Variants in RASL11B observed in about 807,000 individuals in gnomAD.
The protein encoded by RASL11B is RAS like family 11 member B, also known as ras-like protein family member 11B.
In RASL11B, 14 loss-of-function variants were observed where a neutral mutation model predicts 22.9. That is an observed-to-expected ratio of 0.61 (90% confidence interval 0.40 to 0.96). The LOEUF (loss-of-function observed/expected upper bound fraction) is 0.96, where lower values mean the gene tolerates loss of function less well. Ranked by LOEUF, RASL11B falls within the 40% of genes least tolerant of loss-of-function variation. RASL11B has a pLI of 0.00. For synonymous variants in RASL11B, 143 were observed against 130.2 expected, an observed-to-expected ratio of 1.10 and a Z score of -0.67; for missense variants, 261 against 322.0, an observed-to-expected ratio of 0.81 and a Z score of 1.45.
At chr4:52,862,964 C>T (rs1435997619) in intron 1 of RASL11B, among the ~76,000 whole-genome samples, 1 of 152,110 alleles carries the variant, frequency 6.6e-6, no homozygotes, top group South Asian at 2.1e-4. Flanking sequence ...AGCTAGCCCC[C>T]CTGGGAGGTC....
intron 1 of RASL11B, 52 bp from the exon 2 acceptor site, chr4:52,863,216 A>G (rs1718195368): frequency 1.3e-6 from 2 of 1,537,922 alleles, no homozygotes; most frequent in Non-Finnish European, 1.8e-6. Flanking sequence ...GGGGTGGAGA[A>G]CAATCTAACT....
In RASL11B at chr4:52,865,547, C is replaced by T; in HGVS notation, c.489C>T (p.Asp163=). 3.7e-6 allele frequency: 6 copies of T among 1,614,208 alleles called. No individual in the cohort carries two copies. Among genetic ancestry groups the T allele is most frequent in the Non-Finnish European group, 5.1e-6 (6 of 1,180,030 alleles). The part of the protein sequence containing the change: ...KADLLHIKQV[D]PQLGLQLASM... ...ACCTGTTGCACATCAAACAGGTTGA[C>T]CCTCAGCTTGGACTGCAGCTAGCCA... The change falls in exon 4 of 4, where the codon GAC becomes GAT. Residue 163 remains aspartate (D), a synonymous_variant. Coordinates refer to ENST00000248706, the MANE Select transcript of RASL11B (RefSeq NM_023940.3).
At chr4:52,863,232 G>A (rs762703740) in intron 1 of RASL11B, 36 bp from the exon 2 acceptor site, 3 of 1,598,610 alleles carry the variant, frequency 1.9e-6, no homozygotes, top group Non-Finnish European at 2.6e-6. Flanking sequence ...TAACTTCCAA[G>A]GTTAACACTT....
chr4:52,866,192 C>G lies in RASL11B; in HGVS notation c.*387C>G, dbSNP rs948676600. ...AAAGAACAGATTAAGCATTGATAGG[C>G]TTTCTTTTTTCCCCCTTTTTTCTTT... On this transcript the variant is annotated 3_prime_UTR_variant, in exon 4 of 4. Transcript: ENST00000248706. 1 of 180,796 alleles carries G rather than the reference C, an allele frequency of 5.5e-6. No homozygotes were observed. The highest frequency in any genetic ancestry group is 2.4e-5 in the African/African-American group (1 of 42,308). 11.2% of individuals were successfully genotyped at this position (180,796 alleles called of 1,614,324 possible).
Position 52,865,893 on chromosome 4 carries a change from A to G in RASL11B, c.*88A>G. The G allele has an allele frequency of 1.0e-6, 1 of 967,446 alleles. No homozygotes were observed. The highest frequency in any genetic ancestry group is 1.5e-6 in the Non-Finnish European group (1 of 648,728). 59.9% of individuals were successfully genotyped at this position (967,446 alleles called of 1,614,324 possible). A position where few individuals can be genotyped will look rare whatever the true frequency, so the allele number is the denominator to read the frequency against. ...GCAGGAACGTTGAATATTGGCAATG[A>G]TTCCTGGTTCCAGAAAGGGCTGGAG... On this transcript the variant is annotated 3_prime_UTR_variant, in exon 4 of 4. Transcript: ENST00000248706.
At chr4:52,864,376 G>A (rs1718220039) in intron 2 of RASL11B, 102 bp from the exon 3 acceptor site, 3 of 686,994 alleles carry the variant, frequency 4.4e-6, no homozygotes, top group East Asian at 5.3e-5. Flanking sequence ...GCTGTTTTGT[G>A]TGCATTTATG....
At chr4:52,863,368 G>A (rs766868843) in intron 2 of RASL11B, 44 bp downstream of exon 2, 1 of 1,518,026 alleles carries the variant, frequency 6.6e-7, no homozygotes, top group Non-Finnish European at 9.1e-7. Context: ...ATTGCAGGAG[G>A]ACTGCGGTTC....
rs1231652766 is a variant in RASL11B at position 52,865,740 on chromosome 4, C to G, written c.682C>G (p.Gln228Glu). 6.2e-7 allele frequency: 1 copy of G among 1,613,926 alleles called. No homozygotes were observed. The highest frequency in any genetic ancestry group is 1.7e-5 in the Admixed American group (1 of 60,002). The change falls in exon 4 of 4, where the codon CAG becomes GAG. Residue 228 changes from glutamine (Q) to glutamate (E), a missense_variant. Transcript: ENST00000248706. ...TCCCAGGCCCAAGTCACCCAACATG[C>G]AGGACCTGAAGAGGAGGTTTAAGCA... ...LIPRPKSPNMQDLKRRFKQAL... is the reference protein window; with the variant it reads ...LIPRPKSPNMEDLKRRFKQAL...
rs1258801922 is a variant in RASL11B, at chr4:52,865,415, C to T, written c.357C>T (p.Ser119=). 1 of 1,614,166 alleles carries T rather than the reference C, an allele frequency of 6.2e-7. No individual in the cohort carries two copies. Among genetic ancestry groups the T allele is most frequent in the Admixed American group, 1.7e-5 (1 of 60,020 alleles). Residue 119 remains serine, a synonymous_variant, in exon 4 of 4, where the codon TCC becomes TCT. Coordinates refer to ENST00000248706, the MANE Select transcript of RASL11B (RefSeq NM_023940.3). The part of the protein sequence containing the change: ...RWADAVVIVF[S]ITDYKSYELI... Reference sequence around the variant, plus strand: ...CAGATGCTGTGGTGATCGTTTTCTCCATCACTGACTACAAGAGCTATGAAC... The same window carrying T: ...CAGATGCTGTGGTGATCGTTTTCTCTATCACTGACTACAAGAGCTATGAAC...
rs974469475 is a variant in RASL11B at position 52,866,441 on chromosome 4, C to T, written c.*636C>T. On this transcript the variant is annotated 3_prime_UTR_variant, in exon 4 of 4. Transcript: ENST00000248706. ...ATTTTGTATACCAGACATTGGTAAG[C>T]TCTCATGGTTTACAGGAAGGCTCTG... The T allele has an allele frequency of 6.6e-6, 1 of 152,664 alleles. No homozygotes were observed. The highest frequency in any genetic ancestry group is 2.1e-4 in the South Asian group (1 of 4,846). 9.5% of individuals were successfully genotyped at this position (152,664 alleles called of 1,614,324 possible). A position where few individuals can be genotyped will look rare whatever the true frequency, so the allele number is the denominator to read the frequency against.
chr4:52,863,510 C>A lies in RASL11B; in HGVS notation c.199+186C>A, dbSNP rs535552393. On this transcript the variant is annotated intron_variant, in intron 2 of 3. Coordinates refer to ENST00000248706, the MANE Select transcript of RASL11B (RefSeq NM_023940.3). Reference sequence around the variant, plus strand: ...CCCATAACTACCATCTGGCCTCATTCCATTCCAAGCCCATTCATCATTTTA... The same window carrying A: ...CCCATAACTACCATCTGGCCTCATTACATTCCAAGCCCATTCATCATTTTA... 5 of 604,020 alleles carry A rather than the reference C, an allele frequency of 8.3e-6. No homozygotes were observed. The Admixed American group carries it at 1.1e-4, about 14-fold the overall frequency. The allele number at this position is 604,020 out of a possible 1,614,324, so 37.4% of individuals were successfully genotyped here. A position where few individuals can be genotyped will look rare whatever the true frequency, so the allele number is the denominator to read the frequency against.
intron 1 of RASL11B, among the ~76,000 whole-genome samples, 200 bp from the exon 2 acceptor site, chr4:52,863,068 C>T (rs1388315228): frequency 6.6e-6 from 1 of 152,128 alleles, no homozygotes; most frequent in Non-Finnish European, 1.5e-5. Context: ...CTTCCAGCTG[C>T]ACAGAGCCAT....
rs201059414 is a variant in RASL11B, at chr4:52,862,609, C to T, written c.102C>T (p.Val34=). The part of the protein sequence containing the change: ...CCVGAAGRRL[V]KIAVVGASGV... ...TGGGCGCCGCCGGCCGCCGCCTGGT[C>T]AAGATCGCCGTGGTGGGCGCCAGCG... The change falls in exon 1 of 4, where the codon GTC becomes GTT. Residue 34 remains valine, a synonymous_variant. Transcript: ENST00000248706. The T allele has an allele frequency of 1.3e-6, 2 of 1,595,710 alleles. No individual in the cohort carries two copies. Among genetic ancestry groups the T allele is most frequent in the East Asian group, 2.3e-5 (1 of 44,026 alleles).
Position 52,862,550 on chromosome 4 carries a change from G to GC in RASL11B, c.44dup (p.Pro16AlafsTer46). ...CATGTGCACCATCGCCGAGTACCCC[G>GC]CGCCGGGCAACGCCGCGGCCTCCGA... On this transcript the variant is annotated frameshift_variant, in exon 1 of 4. Transcript: ENST00000248706. LOFTEE classifies it high-confidence loss of function. The GC allele has an allele frequency of 6.2e-7, 1 of 1,605,838 alleles. No individual in the cohort carries two copies. Among genetic ancestry groups the GC allele is most frequent in the Non-Finnish European group, 8.5e-7 (1 of 1,177,396 alleles).
intron 1 of RASL11B, 143 bp from the exon 2 acceptor site, chr4:52,863,125 G>A (rs1284992363): frequency 5.5e-6 from 4 of 721,030 alleles, no homozygotes; most frequent in South Asian, 1.6e-5. Context: ...GGAAAGAAGG[G>A]TCAAGGAGCT....
At chr4:52,862,847 T>C (rs1470214740) in intron 1 of RASL11B, among the ~76,000 whole-genome samples, 198 bp downstream of exon 1, 1 of 152,078 alleles carries the variant, frequency 6.6e-6, no homozygotes, top group Non-Finnish European at 1.5e-5. Context: ...GAAACAAGGA[T>C]CAAGAATGGC....
chr4:52,866,081 GT>G lies in RASL11B; in HGVS notation c.*279del, dbSNP rs1321153121. On this transcript the variant is annotated 3_prime_UTR_variant, in exon 4 of 4. Transcript: ENST00000248706. ...TTTAGAGTGGGGAGGGGGCATAATCGTTTCGGTTTCTGCATTCAACTACCTT... is the reference window on the plus strand; with the variant it reads ...TTTAGAGTGGGGAGGGGGCATAATCGTTCGGTTTCTGCATTCAACTACCTT... The G allele has an allele frequency of 2.2e-6, 1 of 447,650 alleles. No individual in the cohort carries two copies. Among genetic ancestry groups the G allele is most frequent in the Non-Finnish European group, 4.0e-6 (1 of 249,896 alleles). 27.7% of individuals were successfully genotyped at this position (447,650 alleles called of 1,614,324 possible).
rs751974444 is a variant in RASL11B, at chr4:52,865,834, T to A, written c.*29T>A. 2 of 1,561,364 alleles carry A rather than the reference T, an allele frequency of 1.3e-6. No individual in the cohort carries two copies. The highest frequency in any genetic ancestry group is 2.3e-5 in the South Asian group (2 of 88,858). ...AGGAGGAGCACTCAAGGGGGTTTGG[T>A]CTTCCCAGGAAGAGGGCCTGAGGTT... On this transcript the variant is annotated 3_prime_UTR_variant, in exon 4 of 4. Transcript: ENST00000248706.
chr4:52,865,780 A>C lies in RASL11B; in HGVS notation c.722A>C (p.Lys241Thr). ...AGGTTTAAGCAAGCCCTCTCTGCCA[A>C]AGTGAGGACTGTCACCTCCGTCTGA... ...KRRFKQALSA[K>T]VRTVTSV is the part of the protein sequence containing the mutation. Residue 241 changes from lysine to threonine, a missense_variant, in exon 4 of 4, where the codon AAA (lysine) becomes ACA (threonine). Transcript: ENST00000248706. The C allele has an allele frequency of 6.2e-7, 1 of 1,613,740 alleles. No individual in the cohort carries two copies. Among genetic ancestry groups the C allele is most frequent in the Non-Finnish European group, 8.5e-7 (1 of 1,179,920 alleles).
Sources: gnomAD v4.1 joint callset for allele counts (sites outside exome capture counted in the v4.1 genomes callset) on GRCh38, gnomAD v4.1.1 for gene constraint, MANE v1.5 for transcripts, NCBI Gene and HGNC (gene_info 2026-07-23, HGNC 2026-07-21) for gene names.